The following OTUD7A variants were observed in gnomAD, a reference collection of about 807,000 sequenced individuals.
OTUD7A encodes OTU deubiquitinase 7A, also known as OTU domain-containing protein 7A.
Under a neutral mutation model 65.7 loss-of-function variants are expected in OTUD7A, and 12 were observed. That is an observed-to-expected ratio of 0.18 (90% CI 0.12 to 0.30). The LOEUF (loss-of-function observed/expected upper bound fraction) is 0.30. Among genes scored for constraint, OTUD7A ranks in the 10% least tolerant of loss-of-function variants. OTUD7A has a pLI of 1.00. For synonymous variants in OTUD7A, 641 were observed against 586.3 expected (o/e 1.09, Z -1.35); for missense variants, 1,148 against 1,304.8 (o/e 0.88, Z 1.85).
chr15:31,761,320 C>T (rs1318238860), intron 1 of OTUD7A, among the ~76,000 whole-genome samples: 2 of 151,950 alleles, frequency 1.3e-5, no homozygotes, highest in African/African-American at 4.8e-5. Context: ...ATATATACAA[C>T]TCAATAATAA....
intron 1 of OTUD7A, among the ~76,000 whole-genome samples, chr15:31,694,386 C>T (rs1893026850): frequency 6.6e-6 from 1 of 152,216 alleles, no homozygotes; most frequent in African/African-American, 2.4e-5. Flanking sequence ...CCACCCTTCA[C>T]AAGCCCAGAT....
At chr15:31,622,858 A>C (rs1272247481) in intron 3 of OTUD7A, among the ~76,000 whole-genome samples, 2 of 135,874 alleles carry the variant, frequency 1.5e-5, no homozygotes, top group East Asian at 4.2e-4. Context: ...TAGAATTTTC[A>C]GTTTTTCTGC....
chr15:31,519,554 G>A (rs914025760), intron 8 of OTUD7A, among the ~76,000 whole-genome samples: 3 of 152,064 alleles, frequency 2.0e-5, no homozygotes, highest in African/African-American at 7.2e-5. Flanking sequence ...ATACTTAATG[G>A]GGAAAAGTTG....
intron 1 of OTUD7A, among the ~76,000 whole-genome samples, chr15:31,818,854 G>C (rs1896613493): frequency 2.6e-5 from 4 of 152,166 alleles, no homozygotes; most frequent in African/African-American, 9.7e-5. Flanking sequence ...ATGTAGTCCT[G>C]GTATCATGGG....
intron 3 of OTUD7A, among the ~76,000 whole-genome samples, chr15:31,644,156 T>G (rs1381432139): frequency 6.6e-6 from 1 of 152,004 alleles, no homozygotes; most frequent in Non-Finnish European, 1.5e-5. Context: ...TCTACGCAGA[T>G]GGCACACCTG....
At chr15:31,541,363 T>C (rs1161926296) in intron 5 of OTUD7A, among the ~76,000 whole-genome samples, 1 of 152,224 alleles carries the variant, frequency 6.6e-6, no homozygotes, top group Non-Finnish European at 1.5e-5. Flanking sequence ...CCCTCATTGA[T>C]TTTTACTTTT....
intron 1 of OTUD7A, among the ~76,000 whole-genome samples, chr15:31,819,791 ATAT>A (rs1896636041): frequency 6.6e-6 from 1 of 151,892 alleles, no homozygotes; most frequent in Non-Finnish European, 1.5e-5. Context: ...AAGTCGTTAT[ATAT>A]TATGTCATAT....
In OTUD7A at chr15:31,487,950, G is replaced by A. The variant is rs1052582499; in HGVS notation, c.1172-384C>T. 2.4e-4 allele frequency among the ~76,000 whole-genome samples: 36 copies of A among 152,128 alleles called. No individual in the cohort carries two copies. Among genetic ancestry groups the A allele is most frequent in the African/African-American group, 6.3e-4 (26 of 41,414 alleles). On this transcript the variant is annotated intron_variant, in intron 10 of 12. Transcript: ENST00000307050. The surrounding 1 kb of genome is among the most constrained non-coding windows in gnomAD (Gnocchi z 6.0). Reference sequence around the variant, plus strand: ...GCCTGGGGCTCAGCTCTCCTGTCTCGTCCCAGAGAAGGGCCGAATGTGCAA... The same window carrying A: ...GCCTGGGGCTCAGCTCTCCTGTCTCATCCCAGAGAAGGGCCGAATGTGCAA...
intron 1 of OTUD7A, among the ~76,000 whole-genome samples, chr15:31,708,191 C>G (rs1893351154): frequency 6.6e-6 from 1 of 151,780 alleles, no homozygotes; most frequent in African/African-American, 2.4e-5. Flanking sequence ...GCTTTTTAAT[C>G]TAATGAGACT....
At chr15:31,572,289 G>A (rs1012889055) in intron 3 of OTUD7A, among the ~76,000 whole-genome samples, 1 of 152,000 alleles carries the variant, frequency 6.6e-6, no homozygotes, top group Admixed American at 6.6e-5. Flanking sequence ...TGCTTACTCT[G>A]TTTCTTCTTC....
intron 3 of OTUD7A, among the ~76,000 whole-genome samples, chr15:31,577,908 G>A (rs911715140): frequency 6.6e-6 from 1 of 151,328 alleles, no homozygotes; most frequent in Non-Finnish European, 1.5e-5. Context: ...CAAAAAATAA[G>A]CAAGAATAAC....
Position 31,614,975 on chromosome 15 carries a change from T to A in OTUD7A, c.151+40121A>T, listed in dbSNP as rs117435356. The stretch of plus-strand genomic sequence containing the variant: ...TCAAGGATGTATATCGTAACCTCTA[T>A]CGTAACTACCAAAAGAATAGTAAAG... On this transcript the variant is annotated intron_variant, in intron 3 of 12. Transcript: ENST00000307050. Among the ~76,000 whole-genome samples, 1,209 of 152,236 alleles carry A rather than the reference T, an allele frequency of 7.9e-3. 5 individuals are homozygous for A. Among genetic ancestry groups the A allele is most frequent in the Non-Finnish European group, 0.015 (1,004 of 68,000 alleles).
Position 31,719,266 on chromosome 15 carries a change from C to T in OTUD7A, c.-99-62189G>A, listed in dbSNP as rs999466622. Among the ~76,000 whole-genome samples, 122 of 151,938 alleles carry T rather than the reference C, an allele frequency of 8.0e-4. 1 individual carries two copies. The highest frequency in any genetic ancestry group is 1.2e-3 in the Non-Finnish European group (82 of 68,028). On this transcript the variant is annotated intron_variant, in intron 1 of 12. Coordinates refer to ENST00000307050, the MANE Select transcript of OTUD7A (RefSeq NM_001382637.1). ...CCCATGCATTATGTTTGAAATCCCT[C>T]CTTCATTGTTGGCTCCAACATACTC...
intron 5 of OTUD7A, chr15:31,558,758 C>T (rs890659699): frequency 3.3e-6 from 2 of 605,596 alleles, no homozygotes; most frequent in Non-Finnish European, 5.8e-6. Flanking sequence ...GATTTCAGCA[C>T]CACCTAGTTA....
At chr15:31,509,705 CTG>C (rs1190327800) in intron 8 of OTUD7A, among the ~76,000 whole-genome samples, 3 of 151,782 alleles carry the variant, frequency 2.0e-5, no homozygotes, top group Non-Finnish European at 4.4e-5. Flanking sequence ...ACTGTATAAA[CTG>C]TTTTTTAAAT....
At position 31,667,656 on chromosome 15, in the gene OTUD7A, T is replaced by C. The variant is rs758404859; in HGVS notation, c.-99-10579A>G. 4.6e-5 allele frequency among the ~76,000 whole-genome samples: 7 copies of C among 152,230 alleles called. No homozygotes were observed. The East Asian group carries it at 5.8e-4, about 13-fold the overall frequency. On this transcript the variant is annotated intron_variant, in intron 1 of 12. Coordinates refer to ENST00000307050, the MANE Select transcript of OTUD7A (RefSeq NM_001382637.1). Reference sequence around the variant, plus strand: ...GTTATTATTGAGATGTGAGGTACCATTGCATTCATTGTGCTATTTGTTGCC... The same window carrying C: ...GTTATTATTGAGATGTGAGGTACCACTGCATTCATTGTGCTATTTGTTGCC...
At chr15:31,769,287 T>C (rs551526184) in intron 1 of OTUD7A, among the ~76,000 whole-genome samples, 2 of 152,264 alleles carry the variant, frequency 1.3e-5, no homozygotes, top group African/African-American at 2.4e-5. Context: ...AGAGAGATAA[T>C]ATGTAATGAT....
At chr15:31,730,602 A>G (rs1894013418) in intron 1 of OTUD7A, among the ~76,000 whole-genome samples, 1 of 152,250 alleles carries the variant, frequency 6.6e-6, no homozygotes, top group Non-Finnish European at 1.5e-5. Context: ...ACCACACCAG[A>G]TGATGAGAGG....
At chr15:31,684,853 G>A (rs1229558485) in intron 1 of OTUD7A, among the ~76,000 whole-genome samples, 1 of 148,938 alleles carries the variant, frequency 6.7e-6, no homozygotes, top group Admixed American at 6.8e-5. Context: ...ACACAAAGAT[G>A]CGATGTCAGG....
Sources: allele counts gnomAD v4.1 joint callset (sites outside exome capture counted in the v4.1 genomes callset), GRCh38; gene constraint gnomAD v4.1.1; non-coding constraint Gnocchi (gnomAD v3.1); transcripts MANE v1.5; gene names NCBI Gene and HGNC (gene_info 2026-07-23, HGNC 2026-07-21).